HFM1: variants seen among roughly 807,000 people sequenced by gnomAD.
The protein encoded by HFM1 is probable ATP-dependent DNA helicase HFM1.
A neutral mutation model predicts 192.1 loss-of-function variants in HFM1; 169 were observed. That is an observed-to-expected ratio of 0.88 (90% CI 0.78 to 1.00). The LOEUF (loss-of-function observed/expected upper bound fraction) is 1.00, where lower values mean the gene tolerates loss of function less well. Ranked by LOEUF, HFM1 falls within the 50% of genes least tolerant of loss-of-function variation. The pLI is 0.00. For missense variants in HFM1, 1,661 were observed against 1,668.0 expected, an observed-to-expected ratio of 1.00 and a Z score of 0.07; for synonymous variants, 525 against 537.8, an observed-to-expected ratio of 0.98 and a Z score of 0.33.
rs755114722 is a variant in HFM1 at position 91,274,265 on chromosome 1, C to T, written c.3669-450G>A. On this transcript the variant is annotated intron_variant, in intron 33 of 38. Transcript: ENST00000370425. ...CAGTTTTTCCATCTATACAATGGGA[C>T]GAAAAAATACCTCATTTTATGGGCC... Among the ~76,000 whole-genome samples the T allele has an allele frequency of 5.9e-5, 9 of 151,402 alleles. No individual in the cohort carries two copies. In the East Asian group the frequency reaches 1.2e-3, roughly 20 times the overall value.
At chr1:91,352,480 TAAAA>T (rs767858809) in intron 16 of HFM1, 22 bp downstream of exon 16, 1 of 1,524,146 alleles carries the variant, frequency 6.6e-7, no homozygotes. Context: ...TTTTTAAGTA[TAAAA>T]AGCAAAGTTA....
intron 13 of HFM1, among the ~76,000 whole-genome samples, chr1:91,363,622 T>C (rs1658834063): frequency 6.6e-6 from 1 of 151,974 alleles, no homozygotes; most frequent in Admixed American, 6.6e-5. Context: ...TGGAAGACGT[T>C]GTGGCAATTC....
At chr1:91,332,314 A>G (rs1275378968) in intron 20 of HFM1, among the ~76,000 whole-genome samples, 1 of 152,218 alleles carries the variant, frequency 6.6e-6, no homozygotes, top group Admixed American at 6.5e-5. Context: ...ACATCCAGTG[A>G]ACTCATTTTT....
In HFM1 at chr1:91,340,835, A is replaced by G. The variant is rs78453249; in HGVS notation, c.2335+2595T>C. 5.4e-4 allele frequency among the ~76,000 whole-genome samples: 82 copies of G among 152,364 alleles called. No individual in the cohort carries two copies. The East Asian group carries it at 9.7e-3, about 18-fold the overall frequency. ...GACAGACTTTACACCTTAACTATCA[A>G]AAAGGACAAAGAAGGACACTGATAA... On this transcript the variant is annotated intron_variant, in intron 20 of 38. Coordinates refer to ENST00000370425, the MANE Select transcript of HFM1 (RefSeq NM_001017975.6).
At chr1:91,261,396 T>TAC in intron 38 of HFM1, 37 bp from the exon 39 acceptor site, 6 of 933,688 alleles carry the variant, frequency 6.4e-6, no homozygotes, top group Non-Finnish European at 7.5e-6. Context: ...TAACTATTTT[T>TAC]TAACACAATT....
chr1:91,394,479 A>G (rs1372528452), intron 3 of HFM1, 77 bp from the exon 4 acceptor site: 13 of 887,328 alleles, frequency 1.5e-5, no homozygotes, highest in African/African-American at 3.4e-5. Flanking sequence ...AAAAACTTTA[A>G]TAAAAATTCC....
intron 30 of HFM1, among the ~76,000 whole-genome samples, chr1:91,287,981 C>A (rs368506484): frequency 6.6e-6 from 1 of 151,672 alleles, no homozygotes; most frequent in Admixed American, 6.6e-5. Flanking sequence ...TAAAAAGAAA[C>A]GAGCAAAGCC....
In HFM1 at chr1:91,378,442, G is replaced by T. The variant is rs773926336; in HGVS notation, c.1197C>A (p.Asn399Lys). 2 of 1,605,472 alleles carry T rather than the reference G, an allele frequency of 1.2e-6. No homozygotes were observed. Among genetic ancestry groups the T allele is most frequent in the African/African-American group, 2.7e-5 (2 of 74,650 alleles). Residue 399 changes from asparagine (N) to lysine (K), a missense_variant, in exon 10 of 39, where the codon AAC becomes AAA. Transcript: ENST00000370425. ...ACAGTCGAACCAGCTGAACCAAAGA[G>T]TTGTCTCTCCATTTCCTAGTCATGC... ...WDSMTRKWRDNSLVQLVRLFL... is the reference protein window; with the variant it reads ...WDSMTRKWRDKSLVQLVRLFL...
chr1:91,323,979 G>A (rs918678019), intron 21 of HFM1, among the ~76,000 whole-genome samples: 5 of 151,980 alleles, frequency 3.3e-5, no homozygotes, highest in African/African-American at 9.7e-5. Flanking sequence ...AAAAATGAAC[G>A]GCTTAAATTT....
chr1:91,261,386 TA>T, intron 38 of HFM1, 27 bp from the exon 39 acceptor site: 1 of 1,101,870 alleles, frequency 9.1e-7, no homozygotes, highest in Non-Finnish European at 1.2e-6. Context: ...AAAGTAAAAA[TA>T]ACTATTTTTT....
intron 30 of HFM1, among the ~76,000 whole-genome samples, chr1:91,290,792 T>C (rs1668656399): frequency 6.6e-6 from 1 of 151,910 alleles, no homozygotes; most frequent in African/African-American, 2.4e-5. Context: ...ATTGACCACA[T>C]ACTTGGAAGT....
chr1:91,325,002 C>A (rs1238929171), intron 20 of HFM1, among the ~76,000 whole-genome samples: 1 of 152,088 alleles, frequency 6.6e-6, no homozygotes, highest in East Asian at 1.9e-4. Flanking sequence ...AATCAGGTAC[C>A]AGCTTGGCCA....
intron 30 of HFM1, among the ~76,000 whole-genome samples, chr1:91,282,195 GC>G (rs1045892916): frequency 1.3e-5 from 2 of 151,966 alleles, no homozygotes; most frequent in Non-Finnish European, 2.9e-5. Flanking sequence ...TTCTTAAATT[GC>G]CCCCCTTTTC....
At chr1:91,299,938 G>T (rs1234514198) in intron 30 of HFM1, among the ~76,000 whole-genome samples, 1 of 152,104 alleles carries the variant, frequency 6.6e-6, no homozygotes, top group Non-Finnish European at 1.5e-5. Flanking sequence ...TAAGATCAGA[G>T]CAGAACTGAA....
upstream of HFM1, among the ~76,000 whole-genome samples, chr1:91,407,721 C>T (rs1168988772): frequency 2.0e-5 from 3 of 152,276 alleles, no homozygotes; most frequent in South Asian, 6.2e-4. Context: ...TATGAACATT[C>T]GTGTGTAAAT....
intron 4 of HFM1, among the ~76,000 whole-genome samples, chr1:91,392,289 C>T (rs1201063346): frequency 3.3e-5 from 5 of 152,158 alleles, no homozygotes; most frequent in Admixed American, 6.5e-5. Flanking sequence ...TATAAAGACA[C>T]GTGCACACGT....
At chr1:91,291,388 G>C (rs922748605) in intron 30 of HFM1, among the ~76,000 whole-genome samples, 6 of 152,152 alleles carry the variant, frequency 3.9e-5, no homozygotes, top group Non-Finnish European at 5.9e-5. Flanking sequence ...CGATCCCACA[G>C]AAATACAAAC....
At chr1:91,399,741 T>C (rs1361828013) in intron 2 of HFM1, among the ~76,000 whole-genome samples, 1 of 152,198 alleles carries the variant, frequency 6.6e-6, no homozygotes, top group Non-Finnish European at 1.5e-5. Context: ...AGTCTCCCCC[T>C]ACTACCCAAA....
intron 8 of HFM1, among the ~76,000 whole-genome samples, 180 bp from the exon 9 acceptor site, chr1:91,379,394 C>T (rs1277553626): frequency 6.6e-6 from 1 of 152,038 alleles, no homozygotes; most frequent in African/African-American, 2.4e-5. Context: ...TTTTGGCTTC[C>T]CTGGGCCACA....
Sources: gnomAD v4.1 joint callset for allele counts (sites outside exome capture counted in the v4.1 genomes callset) on GRCh38, gnomAD v4.1.1 for gene constraint, MANE v1.5 for transcripts, NCBI Gene and HGNC (gene_info 2026-07-23, HGNC 2026-07-21) for gene names.